The following CALU variants were observed in gnomAD, a reference collection of about 807,000 sequenced individuals.
The protein encoded by CALU is IEF SSP 9302.
A neutral mutation model predicts 37.5 loss-of-function variants in CALU; 13 were observed. The observed-to-expected ratio is 0.35, with a 90% CI of 0.23 to 0.55. The LOEUF (loss-of-function observed/expected upper bound fraction) is 0.55. Among genes scored for constraint, CALU ranks in the 20% least tolerant of loss-of-function variants. The pLI is 0.89. For synonymous variants in CALU, 114 were observed against 133.8 expected (o/e 0.85, Z 1.02); for missense variants, 282 against 391.7 (o/e 0.72, Z 2.36).
chr7:128,741,528 G>A (rs1384820079), intron 1 of CALU, among the ~76,000 whole-genome samples: 1 of 152,178 alleles, frequency 6.6e-6, no homozygotes, highest in African/African-American at 2.4e-5. Context: ...GTTCAGACGA[G>A]TTTTATAGAA....
intron 3 of CALU, 77 bp downstream of exon 3, chr7:128,754,532 G>T (rs1800794807): frequency 1.3e-6 from 2 of 1,574,584 alleles, no homozygotes; most frequent in Non-Finnish European, 1.7e-6. Flanking sequence ...CTTGTAGAAT[G>T]ATTGTAGATA....
chr7:128,762,368 C>CTT (rs547572221), intron 5 of CALU, among the ~76,000 whole-genome samples: 61 of 131,490 alleles, frequency 4.6e-4, no homozygotes, highest in African/African-American at 7.8e-4. Context: ...TGCATGTGTG[C>CTT]TTTTTTTTTT....
rs533871775 is a variant in CALU at position 128,743,978 on chromosome 7, G to A, written c.-12+4546G>A. 4.6e-5 allele frequency among the ~76,000 whole-genome samples: 7 copies of A among 152,262 alleles called. No homozygotes were observed. The South Asian group carries it at 1.5e-3, about 32-fold the overall frequency. On this transcript the variant is annotated intron_variant, in intron 1 of 6. Coordinates refer to ENST00000249364, the MANE Select transcript of CALU (RefSeq NM_001219.5). ...CCCGACACTTTGGGAGGCCGAGACG[G>A]GAGAATCACTTGAGGTCAGGAGTTT...
chr7:128,768,802 G>C (rs547204186), intron 6 of CALU, among the ~76,000 whole-genome samples: 4 of 134,024 alleles, frequency 3.0e-5, no homozygotes, highest in African/African-American at 8.8e-5. Context: ...AGCTGAGATC[G>C]CGCCATTGCA....
In CALU at chr7:128,772,060, T is replaced by TG. The variant is rs1220174502; in HGVS notation, c.*2893_*2894insG. On this transcript the variant is annotated 3_prime_UTR_variant, in exon 7 of 7. Coordinates refer to ENST00000249364, the MANE Select transcript of CALU (RefSeq NM_001219.5). ...TCATATTTGGGGCCACTGAGTTTTT[T>TG]TTGTTTTTTTTTTTGTTTTGTTTTG... Among the ~76,000 whole-genome samples, 1 of 76,826 alleles carries TG rather than the reference T, an allele frequency of 1.3e-5. No individual in the cohort carries two copies. Among genetic ancestry groups the TG allele is most frequent in the African/African-American group, 3.9e-5 (1 of 25,658 alleles). The allele number at this position is 76,826 out of a possible 152,430, so 50.4% of individuals were successfully genotyped here.
In CALU at chr7:128,769,261, A is replaced by T; in HGVS notation, c.*94A>T. The T allele has an allele frequency of 4.6e-6, 3 of 657,704 alleles. No homozygotes were observed. The highest frequency in any genetic ancestry group is 2.9e-5 in the Admixed American group (1 of 33,922). The allele number at this position is 657,704 out of a possible 1,614,324, so 40.7% of individuals were successfully genotyped here. A position where few individuals can be genotyped will look rare whatever the true frequency, so the allele number is the denominator to read the frequency against. The stretch of plus-strand genomic sequence containing the variant: ...TTTGCGCTACTGAGACTGTTACTAC[A>T]AACTTTTTAAGACATGAAAAGGCGT... On this transcript the variant is annotated 3_prime_UTR_variant, in exon 7 of 7. Transcript: ENST00000249364.
chr7:128,752,735 A>T (rs1026881351), intron 2 of CALU, among the ~76,000 whole-genome samples: 1 of 152,212 alleles, frequency 6.6e-6, no homozygotes, highest in African/African-American at 2.4e-5. Flanking sequence ...CCTGGGCTGG[A>T]GTGCAGTGGC....
chr7:128,752,472 C>T (rs570149317), intron 2 of CALU, among the ~76,000 whole-genome samples: 1 of 152,126 alleles, frequency 6.6e-6, no homozygotes, highest in African/African-American at 2.4e-5. Context: ...TTCTGGTTGC[C>T]CTTTTTCCTT....
intron 4 of CALU, 140 bp from the exon 5 acceptor site, chr7:128,759,648 CACAT>C: frequency 1.7e-6 from 1 of 585,492 alleles, no homozygotes; most frequent in East Asian, 3.2e-5. Flanking sequence ...CATACAGACA[CACAT>C]GCATACATAC....
At chr7:128,754,223 T>C in intron 2 of CALU, 39 bp from the exon 3 acceptor site, 1 of 1,523,082 alleles carries the variant, frequency 6.6e-7, no homozygotes, top group African/African-American at 1.4e-5. Context: ...GTTCTGTGTC[T>C]TTTTAACCTT....
At chr7:128,741,937 CT>C (rs1245358017) in intron 1 of CALU, among the ~76,000 whole-genome samples, 11 of 152,304 alleles carry the variant, frequency 7.2e-5, no homozygotes, top group African/African-American at 2.6e-4. Context: ...ACTAATGAAG[CT>C]TGAGTAATAG....
At chr7:128,763,115 TA>T (rs916784423) in intron 5 of CALU, among the ~76,000 whole-genome samples, 5 of 152,232 alleles carry the variant, frequency 3.3e-5, no homozygotes, top group Non-Finnish European at 7.3e-5. Flanking sequence ...ATTTCATCTG[TA>T]AACATTGAGG....
In CALU at chr7:128,740,854, A is replaced by G. The variant is rs143255943; in HGVS notation, c.-12+1422A>G. 1.2e-3 allele frequency among the ~76,000 whole-genome samples: 187 copies of G among 152,330 alleles called. 3 individuals carry two copies. Among genetic ancestry groups the G allele is most frequent in the African/African-American group, 4.2e-3 (175 of 41,568 alleles). ...GAAGTACTTATTGATAGCACTTAAT[A>G]TCCATTAGAGCAGTATTGGGATCTA... On this transcript the variant is annotated intron_variant, in intron 1 of 6. Transcript: ENST00000249364.
chr7:128,754,533 A>T, intron 3 of CALU, 78 bp downstream of exon 3: 1 of 1,573,240 alleles, frequency 6.4e-7, no homozygotes, highest in Non-Finnish European at 8.6e-7. Flanking sequence ...TTGTAGAATG[A>T]TTGTAGATAA....
chr7:128,760,996 G>A (rs1263308568), intron 5 of CALU, among the ~76,000 whole-genome samples: 17 of 152,144 alleles, frequency 1.1e-4, no homozygotes, highest in Non-Finnish European at 2.5e-4. Flanking sequence ...ATTAAAAGAT[G>A]GATAAATAAA....
At chr7:128,759,899 T>TTCTAA in intron 5 of CALU, 47 bp downstream of exon 5, 1 of 998,868 alleles carries the variant, frequency 1.0e-6, no homozygotes, top group Non-Finnish European at 1.6e-6. Context: ...TGAGAAGCTT[T>TTCTAA]GAAAGGTGTA....
At chr7:128,745,512 G>A (rs2128877627) in intron 1 of CALU, among the ~76,000 whole-genome samples, 1 of 152,140 alleles carries the variant, frequency 6.6e-6, no homozygotes, top group African/African-American at 2.4e-5. Context: ...GGCTGAAGTG[G>A]GAGGATGGTC....
At chr7:128,740,651 TG>T (rs1242231017) in intron 1 of CALU, among the ~76,000 whole-genome samples, 1 of 6,206 alleles carries the variant, frequency 1.6e-4, no homozygotes, top group Non-Finnish European at 3.1e-4. Context: ...TTACTGTGAT[TG>T]GGGGGTGGGG....
At chr7:128,746,071 C>T (rs1410767458) in intron 1 of CALU, among the ~76,000 whole-genome samples, 6 of 150,960 alleles carry the variant, frequency 4.0e-5, no homozygotes, top group Non-Finnish European at 5.9e-5. Context: ...GAGATCTTGA[C>T]GTTGTTTTGA....
Sources: gnomAD v4.1 joint callset for allele counts (sites outside exome capture counted in the v4.1 genomes callset) on GRCh38, gnomAD v4.1.1 for gene constraint, MANE v1.5 for transcripts, NCBI Gene and HGNC (gene_info 2026-07-23, HGNC 2026-07-21) for gene names.